CENPO: variants seen among roughly 807,000 people sequenced by gnomAD.
The protein encoded by CENPO is centromeric protein O.
In CENPO, 30 loss-of-function variants were observed where a neutral mutation model predicts 36.1. The ratio of observed to expected loss-of-function variants is 0.83; its 90% CI spans 0.62 to 1.13. The LOEUF is 1.13. Among genes scored for constraint, CENPO ranks in the 50% most tolerant of loss-of-function variants. The pLI is 0.00. For missense variants in CENPO, 349 were observed against 357.8 expected, an observed-to-expected ratio of 0.98 and a Z score of 0.20; for synonymous variants, 171 against 142.3, an observed-to-expected ratio of 1.20 and a Z score of -1.44.
In CENPO at chr2:24,799,764, G is replaced by T; in HGVS notation, c.136G>T (p.Gly46Cys). 1 of 1,614,080 alleles carries T rather than the reference G, an allele frequency of 6.2e-7. No homozygotes were observed. The highest frequency in any genetic ancestry group is 1.3e-5 in the African/African-American group (1 of 75,024). The change falls in exon 3 of 8, where the codon GGT becomes TGT. Residue 46 changes from glycine to cysteine, a missense_variant. Transcript: ENST00000380834. ...GCTGCAGAGCGTGCAGGCCCAGGAA[G>T]GTGCTCTTGGAACCAAGATTCATAA... is the stretch of plus-strand genomic sequence containing the variant. ...EELQSVQAQE[G>C]ALGTKIHKLR...
At chr2:24,814,104 C>T (rs71439144) in intron 3 of CENPO, among the ~76,000 whole-genome samples, 4,252 of 152,220 alleles carry the variant, frequency 0.028, 95 homozygotes, top group Non-Finnish European at 0.044. Flanking sequence ...TTCCACACAA[C>T]CTTTTCTTGC....
Position 24,820,351 on chromosome 2 carries a change from T to C in CENPO, c.*1033T>C, listed in dbSNP as rs1030227211. 2 of 1,330,826 alleles carry C rather than the reference T, an allele frequency of 1.5e-6. No homozygotes were observed. The highest frequency in any genetic ancestry group is 3.0e-5 in the African/African-American group (2 of 66,372). 82.4% of individuals were successfully genotyped at this position (1,330,826 alleles called of 1,614,324 possible). A position where few individuals can be genotyped will look rare whatever the true frequency, so the allele number is the denominator to read the frequency against. On this transcript the variant is annotated 3_prime_UTR_variant, in exon 8 of 8. Coordinates refer to ENST00000380834, the MANE Select transcript of CENPO (RefSeq NM_001322101.2). ...TCATCCAGAGACTTCTCTCCTAGGATGGCCATGGTCACCTGGGTGGCAGCA... is the reference window on the plus strand; with the variant it reads ...TCATCCAGAGACTTCTCTCCTAGGACGGCCATGGTCACCTGGGTGGCAGCA...
intron 3 of CENPO, among the ~76,000 whole-genome samples, chr2:24,806,645 C>T (rs1267840539): frequency 1.3e-5 from 2 of 152,142 alleles, no homozygotes; most frequent in Non-Finnish European, 2.9e-5. Flanking sequence ...TAAATACTGC[C>T]AGTTTTTGAA....
intron 2 of CENPO, among the ~76,000 whole-genome samples, chr2:24,798,759 C>T (rs1371851727): frequency 1.3e-5 from 2 of 151,432 alleles, no homozygotes; most frequent in Non-Finnish European, 2.9e-5. Flanking sequence ...CGTACCCGGC[C>T]CGATCTCACA....
chr2:24,814,445 G>A lies in CENPO; in HGVS notation c.286G>A (p.Glu96Lys). The A allele has an allele frequency of 6.2e-7, 1 of 1,607,270 alleles. No individual in the cohort carries two copies. ...VEINEQEALE[E>K]KLENVKAILQ... ...GATCAATGAGCAAGAAGCATTGGAA[G>A]AGAAATTGGAAAATGTGAAAGCCAT... The change falls in exon 4 of 8, where the codon GAG becomes AAG. Residue 96 changes from glutamate to lysine, a missense_variant. By Grantham distance (56) the Glu-to-Lys change is moderately conservative (BLOSUM62 1). Coordinates refer to ENST00000380834, the MANE Select transcript of CENPO (RefSeq NM_001322101.2).
At chr2:24,815,466 G>A in intron 4 of CENPO, 31 bp from the exon 5 acceptor site, 1 of 1,605,646 alleles carries the variant, frequency 6.2e-7, no homozygotes. Context: ...TTGGCCTGCT[G>A]TCTATTGAGG....
rs1227375683 is a variant in CENPO, at chr2:24,803,142, G to C, written c.216+3298G>C. Reference sequence around the variant, plus strand: ...GAGGTGTTTATAGTATTCTCTGATGGTAGTTTGTATTTCTGTGGGATCGGT... The same window carrying C: ...GAGGTGTTTATAGTATTCTCTGATGCTAGTTTGTATTTCTGTGGGATCGGT... On this transcript the variant is annotated intron_variant, in intron 3 of 7. Coordinates refer to ENST00000380834, the MANE Select transcript of CENPO (RefSeq NM_001322101.2). Among the ~76,000 whole-genome samples the C allele has an allele frequency of 4.6e-5, 7 of 151,398 alleles. No homozygotes were observed. In the South Asian group the frequency reaches 1.5e-3, roughly 32 times the overall value.
intron 3 of CENPO, among the ~76,000 whole-genome samples, chr2:24,805,799 C>G (rs1431306518): frequency 6.6e-6 from 1 of 152,254 alleles, no homozygotes; most frequent in African/African-American, 2.4e-5. Context: ...GGCAGTCTGT[C>G]TGTTCTCAGA....
intron 3 of CENPO, among the ~76,000 whole-genome samples, chr2:24,800,773 G>A (rs1395188159): frequency 6.6e-6 from 1 of 152,100 alleles, no homozygotes; most frequent in African/African-American, 2.4e-5. Context: ...TGTGAATAGT[G>A]CCGCAGTAAA....
At position 24,819,922 on chromosome 2, in the gene CENPO, T is replaced by G. The variant is rs768519996; in HGVS notation, c.*604T>G. On this transcript the variant is annotated 3_prime_UTR_variant, in exon 8 of 8. Transcript: ENST00000380834. The stretch of plus-strand genomic sequence containing the variant: ...CCTTCCGGTTTGGACTGTTGCAGGC[T>G]CGAGGCCATTCAGGAGTTGTCCACC... The G allele has an allele frequency of 9.9e-6, 16 of 1,612,880 alleles. No homozygotes were observed. The highest frequency in any genetic ancestry group is 1.4e-5 in the Non-Finnish European group (16 of 1,179,638).
At position 24,815,695 on chromosome 2, in the gene CENPO, T is replaced by G. The variant is rs147672058; in HGVS notation, c.533T>G (p.Phe178Cys). The G allele has an allele frequency of 3.8e-3, 6,086 of 1,614,094 alleles. 17 individuals are homozygous for G. The highest frequency in any genetic ancestry group is 4.3e-3 in the Non-Finnish European group (5,033 of 1,179,936). ...YLQTNIQHFL[F>C]SLCEYLNAYS... ...CAGACCAACATCCAGCACTTCCTGT[T>G]CAGTCTCTGCGAGTACCTGAATGCT... Residue 178 changes from phenylalanine to cysteine, a missense_variant, in exon 5 of 8, where the codon TTC becomes TGC. Transcript: ENST00000380834.
In CENPO at chr2:24,820,033, C is replaced by A. The variant is rs781331772; in HGVS notation, c.*715C>A. On this transcript the variant is annotated 3_prime_UTR_variant, in exon 8 of 8. Transcript: ENST00000380834. ...TTCAAGAAGAAGGTCAGCAGCTCCC[C>A]CTTCCCCTTCACAAAGATGGGGCCT... 1 of 1,609,076 alleles carries A rather than the reference C, an allele frequency of 6.2e-7. No homozygotes were observed. The highest frequency in any genetic ancestry group is 8.5e-7 in the Non-Finnish European group (1 of 1,177,836).
intron 3 of CENPO, among the ~76,000 whole-genome samples, chr2:24,800,184 C>G (rs1179094796): frequency 6.6e-6 from 1 of 152,140 alleles, no homozygotes; most frequent in Admixed American, 6.5e-5. Context: ...ACTCAGGAGG[C>G]TGAGGCACGA....
intron 3 of CENPO, among the ~76,000 whole-genome samples, chr2:24,802,954 G>A (rs1252037969): frequency 1.3e-5 from 2 of 152,254 alleles, no homozygotes; most frequent in South Asian, 2.1e-4. Context: ...AATCTATCTG[G>A]TCTTGGACTT....
At chr2:24,812,863 G>A (rs1246739973) in intron 3 of CENPO, among the ~76,000 whole-genome samples, 1 of 146,488 alleles carries the variant, frequency 6.8e-6, no homozygotes, top group Non-Finnish European at 1.5e-5. Context: ...TTTCCTCTTG[G>A]CTTTCAGTCA....
chr2:24,813,337 G>GT (rs1427563469), intron 3 of CENPO, among the ~76,000 whole-genome samples: 1 of 152,202 alleles, frequency 6.6e-6, no homozygotes, highest in Non-Finnish European at 1.5e-5. Flanking sequence ...AGTAGATCGT[G>GT]TATGGGCACA....
At chr2:24,804,194 T>C (rs1485179264) in intron 3 of CENPO, among the ~76,000 whole-genome samples, 2 of 152,224 alleles carry the variant, frequency 1.3e-5, no homozygotes, top group African/African-American at 4.8e-5. Context: ...TAGATCTTCC[T>C]CCATCCCTTT....
At chr2:24,803,430 A>G (rs13031011) in intron 3 of CENPO, among the ~76,000 whole-genome samples, 64,466 of 150,660 alleles carry the variant, frequency 0.43, 15,213 homozygotes, top group East Asian at 0.58. Context: ...TAGGGTGTCA[A>G]TTTTAGATCT....
chr2:24,817,449 G>A (rs1666991229), intron 6 of CENPO, among the ~76,000 whole-genome samples: 1 of 103,108 alleles, frequency 9.7e-6, no homozygotes, highest in South Asian at 3.1e-4. Flanking sequence ...CCAGTAAGGG[G>A]CAGCCTTAGT....
Sources: allele counts gnomAD v4.1 joint callset (sites outside exome capture counted in the v4.1 genomes callset), GRCh38; gene constraint gnomAD v4.1.1; transcripts MANE v1.5; gene names NCBI Gene and HGNC (gene_info 2026-07-23, HGNC 2026-07-21).